RPRD1A: variants seen among roughly 807,000 people sequenced by gnomAD.
The protein encoded by RPRD1A is regulation of nuclear pre-mRNA domain containing 1A.
In RPRD1A, 9 loss-of-function variants were observed where a neutral mutation model predicts 37.8. The observed-to-expected ratio is 0.24, with a 90% CI of 0.14 to 0.42. The LOEUF is 0.42. Ranked by LOEUF, RPRD1A falls within the 10% of genes least tolerant of loss-of-function variation. The pLI is 1.00. For synonymous variants in RPRD1A, 138 were observed against 139.7 expected (o/e 0.99, Z 0.08); for missense variants, 255 against 371.0 (o/e 0.69, Z 2.57).
chr18:36,034,198 G>A (rs150302888), intron 1 of RPRD1A, among the ~76,000 whole-genome samples: 9 of 152,098 alleles, frequency 5.9e-5, no homozygotes, highest in Non-Finnish European at 8.8e-5. Context: ...ATGTTAATTC[G>A]AAATCATTAT....
At chr18:36,060,004 CT>C (rs1263083119) in intron 1 of RPRD1A, among the ~76,000 whole-genome samples, 1 of 152,134 alleles carries the variant, frequency 6.6e-6, no homozygotes, top group Non-Finnish European at 1.5e-5. Flanking sequence ...TGTCTACTTA[CT>C]TTTTCAATTC....
intron 1 of RPRD1A, among the ~76,000 whole-genome samples, chr18:36,057,324 T>C (rs1464828303): frequency 6.6e-6 from 1 of 151,386 alleles, no homozygotes; most frequent in East Asian, 2.0e-4. Flanking sequence ...AACGTTTATC[T>C]AGCCCAGGCT....
intron 1 of RPRD1A, among the ~76,000 whole-genome samples, chr18:36,051,448 AC>A (rs1913389137): frequency 1.3e-5 from 2 of 152,180 alleles, no homozygotes; most frequent in African/African-American, 4.8e-5. Flanking sequence ...AGAAAATATA[AC>A]TGGGGGTTCA....
chr18:36,035,028 A>C (rs144268765), intron 1 of RPRD1A, among the ~76,000 whole-genome samples: 1 of 152,318 alleles, frequency 6.6e-6, no homozygotes, highest in African/African-American at 2.4e-5. Flanking sequence ...ATGGAATAAA[A>C]ATAAGAAGAG....
At chr18:36,025,485 A>G in intron 6 of RPRD1A, 1 of 448,842 alleles carries the variant, frequency 2.2e-6, no homozygotes, top group Middle Eastern at 5.7e-4. Context: ...TCAAATATAA[A>G]TTCTGTTTTT....
rs369063505 is a variant in RPRD1A, at chr18:36,019,138, C to T, written c.789+7762G>A. Among the ~76,000 whole-genome samples the T allele has an allele frequency of 3.7e-3, 493 of 134,832 alleles. 2 individuals are homozygous for T. The highest frequency in any genetic ancestry group is 0.014 in the African/African-American group (472 of 34,704). 88.5% of individuals were successfully genotyped at this position (134,832 alleles called of 152,430 possible). ...TTTTTTTTTTTTGGAGACAGAGTCT[C>T]GCTCTGTCGCCCAGGCTGGAGTGCA... On this transcript the variant is annotated intron_variant, in intron 6 of 6. Coordinates refer to ENST00000399022, the MANE Select transcript of RPRD1A (RefSeq NM_018170.5).
intron 6 of RPRD1A, among the ~76,000 whole-genome samples, chr18:36,011,366 A>G (rs867695806): frequency 2.6e-5 from 4 of 152,326 alleles, no homozygotes; most frequent in Middle Eastern, 3.4e-3. Flanking sequence ...TAACTAATTT[A>G]AGACCAAAGT....
chr18:36,041,654 T>G (rs778141162), intron 1 of RPRD1A, among the ~76,000 whole-genome samples: 3 of 152,240 alleles, frequency 2.0e-5, no homozygotes, highest in Non-Finnish European at 4.4e-5. Flanking sequence ...TTCCAAAACC[T>G]ATAGATTCTA....
intron 4 of RPRD1A, among the ~76,000 whole-genome samples, chr18:36,030,354 G>A (rs867273162): frequency 2.6e-5 from 4 of 151,320 alleles, no homozygotes; most frequent in South Asian, 4.2e-4. Flanking sequence ...TTGGTGGCCC[G>A]TGCCTGTAGT....
At chr18:36,021,733 T>C (rs969503736) in intron 6 of RPRD1A, among the ~76,000 whole-genome samples, 9 of 152,144 alleles carry the variant, frequency 5.9e-5, no homozygotes, top group Non-Finnish European at 1.0e-4. Flanking sequence ...GTGTGGTGGC[T>C]CATGCCTGTA....
At chr18:36,027,380 A>C (rs1347354224) in intron 4 of RPRD1A, 70 bp from the exon 5 acceptor site, 1 of 1,538,566 alleles carries the variant, frequency 6.5e-7, no homozygotes, top group East Asian at 2.2e-5. Flanking sequence ...TTAATTTCAT[A>C]TTCTTTCATC....
Position 36,057,049 on chromosome 18 carries a change from T to TAAAAAAA in RPRD1A, c.151+10204_151+10205insTTTTTTT, listed in dbSNP as rs1407950222. ...CAGCAACACAGCTAGACCCTGTTTC[T>TAAAAAAA]ACAAAAAAAAAAAAAAAAAAAAAAA... On this transcript the variant is annotated intron_variant, in intron 1 of 6. Coordinates refer to ENST00000399022, the MANE Select transcript of RPRD1A (RefSeq NM_018170.5). 1.2e-3 allele frequency among the ~76,000 whole-genome samples: 29 copies of TAAAAAAA among 23,292 alleles called. 1 individual carries two copies. The highest frequency in any genetic ancestry group is 4.7e-3 in the African/African-American group (25 of 5,302). The allele number at this position is 23,292 out of a possible 152,430, so 15.3% of individuals were successfully genotyped here. A position where few individuals can be genotyped will look rare whatever the true frequency, so the allele number is the denominator to read the frequency against.
At chr18:36,027,676 T>C (rs1202737489) in intron 4 of RPRD1A, 1 of 170,214 alleles carries the variant, frequency 5.9e-6, no homozygotes, top group African/African-American at 2.4e-5. Flanking sequence ...AAGTTTTATG[T>C]ATGATATATT....
At chr18:36,027,162 G>A (rs766711589) in intron 5 of RPRD1A, 22 bp downstream of exon 5, 2 of 1,613,270 alleles carry the variant, frequency 1.2e-6, no homozygotes, top group African/African-American at 1.3e-5. Context: ...AAAAAGTTCT[G>A]GATCACATTT....
chr18:36,035,916 T>C (rs927157747), intron 1 of RPRD1A, among the ~76,000 whole-genome samples: 1 of 152,112 alleles, frequency 6.6e-6, no homozygotes, highest in Non-Finnish European at 1.5e-5. Flanking sequence ...AGAAGGATAG[T>C]TGCCAAAGGC....
intron 4 of RPRD1A, chr18:36,028,033 T>C (rs1265747180): frequency 3.3e-5 from 5 of 152,144 alleles, no homozygotes; most frequent in Admixed American, 6.5e-5. Flanking sequence ...TTGCTGGTGA[T>C]TTCACAACTC....
chr18:36,024,026 AAC>A (rs889696154), intron 6 of RPRD1A, among the ~76,000 whole-genome samples: 48 of 152,378 alleles, frequency 3.2e-4, no homozygotes, highest in Admixed American at 2.1e-3. Flanking sequence ...CTAACTGAAA[AAC>A]AGTTTATGCA....
At chr18:36,035,046 T>C (rs1197632988) in intron 1 of RPRD1A, among the ~76,000 whole-genome samples, 2 of 152,232 alleles carry the variant, frequency 1.3e-5, no homozygotes, top group Admixed American at 6.5e-5. Context: ...GAGATGGCTA[T>C]AACAGAGACC....
chr18:36,061,524 G>GA (rs1278416850), intron 1 of RPRD1A, among the ~76,000 whole-genome samples: 1 of 152,172 alleles, frequency 6.6e-6, no homozygotes, highest in East Asian at 1.9e-4. Context: ...AGTGTGTGTA[G>GA]AAAAGAGCCC....
Sources: gnomAD v4.1 joint callset for allele counts (sites outside exome capture counted in the v4.1 genomes callset) on GRCh38, gnomAD v4.1.1 for gene constraint, MANE v1.5 for transcripts, NCBI Gene and HGNC (gene_info 2026-07-23, HGNC 2026-07-21) for gene names.